WDR25: variants seen among roughly 807,000 people sequenced by gnomAD.
The protein encoded by WDR25 is WD repeat domain 25.
In WDR25, 35 loss-of-function variants were observed where a neutral mutation model predicts 47.7. That is an observed-to-expected ratio of 0.73 (90% CI 0.56 to 0.97). WDR25 has a LOEUF of 0.97. WDR25 is among the 50% of genes least tolerant of loss of function. The probability of loss-of-function intolerance (pLI) is 0.00; values close to 1 mark genes in which losing one functional copy is unlikely to be tolerated. For missense variants in WDR25, 634 were observed against 704.7 expected, an observed-to-expected ratio of 0.90 and a Z score of 1.14; for synonymous variants, 248 against 278.9, an observed-to-expected ratio of 0.89 and a Z score of 1.10.
At chr14:100,412,528 G>C (rs1339065709) in intron 2 of WDR25, among the ~76,000 whole-genome samples, 3 of 152,222 alleles carry the variant, frequency 2.0e-5, no homozygotes, top group Admixed American at 6.5e-5. Context: ...GTGATTGTAA[G>C]TATGCATGTG....
intron 4 of WDR25, among the ~76,000 whole-genome samples, chr14:100,507,928 C>G (rs951247437): frequency 5.9e-5 from 9 of 151,968 alleles, no homozygotes; most frequent in African/African-American, 2.2e-4. Flanking sequence ...TTGCCTGACT[C>G]ATTCTACAAA....
At chr14:100,380,012 A>T (rs1047647532) in intron 1 of WDR25, among the ~76,000 whole-genome samples, 10 of 150,956 alleles carry the variant, frequency 6.6e-5, no homozygotes, top group African/African-American at 9.8e-5. Context: ...AAGTGCTGGG[A>T]TTACAGGCAT....
chr14:100,388,161 A>C (rs987126745), intron 2 of WDR25, among the ~76,000 whole-genome samples: 2 of 152,204 alleles, frequency 1.3e-5, no homozygotes, highest in Admixed American at 1.3e-4. Flanking sequence ...GATGATTGGC[A>C]ATTTATTCTA....
At chr14:100,519,205 G>A (rs1566946280) in intron 4 of WDR25, among the ~76,000 whole-genome samples, 1 of 151,572 alleles carries the variant, frequency 6.6e-6, no homozygotes, top group Non-Finnish European at 1.5e-5. Flanking sequence ...GAGTCTTCAG[G>A]TAGTTGCTTT....
intron 3 of WDR25, among the ~76,000 whole-genome samples, chr14:100,478,403 G>A (rs1487441332): frequency 1.3e-5 from 2 of 152,208 alleles, no homozygotes; most frequent in Admixed American, 1.3e-4. Flanking sequence ...GAACTCCTCA[G>A]CTATACCATC....
In WDR25 at chr14:100,416,352, A is replaced by T. The variant is rs936795791; in HGVS notation, c.822+34606A>T. 3.3e-5 allele frequency among the ~76,000 whole-genome samples: 5 copies of T among 152,230 alleles called. No homozygotes were observed. In the East Asian group the frequency reaches 9.6e-4, roughly 29 times the overall value. ...TTACGTATTCTCAACTCTGATTGTC[A>T]TTCCTTGATGTAAAAACTTTGCTGT... is the stretch of plus-strand genomic sequence containing the variant. On this transcript the variant is annotated intron_variant, in intron 2 of 6. Coordinates refer to ENST00000402312, the MANE Select transcript of WDR25 (RefSeq NM_001161476.3).
At position 100,526,004 on chromosome 14, in the gene WDR25, C is replaced by T; in HGVS notation, c.1236C>T (p.Phe412=). The change falls in exon 5 of 7, where the codon TTC becomes TTT. Residue 412 remains phenylalanine, a synonymous_variant. Coordinates refer to ENST00000402312, the MANE Select transcript of WDR25 (RefSeq NM_001161476.3). ...ACCGCACCATTATTGCCTGGGATTT[C>T]CGGACCTCTGCCAAAATCTCCAACC... The part of the protein sequence containing the change: ...SADRTIIAWD[F]RTSAKISNQI... 1 of 1,614,108 alleles carries T rather than the reference C, an allele frequency of 6.2e-7. No individual in the cohort carries two copies. The highest frequency in any genetic ancestry group is 8.5e-7 in the Non-Finnish European group (1 of 1,179,976).
intron 2 of WDR25, among the ~76,000 whole-genome samples, chr14:100,435,942 G>A (rs1337305141): frequency 6.6e-6 from 1 of 152,116 alleles, no homozygotes; most frequent in African/African-American, 2.4e-5. Context: ...AGAGGAGGGA[G>A]TGTAGCTGCT....
intron 3 of WDR25, among the ~76,000 whole-genome samples, chr14:100,469,925 C>T (rs1174788736): frequency 6.6e-6 from 1 of 152,184 alleles, no homozygotes; most frequent in Non-Finnish European, 1.5e-5. Context: ...ATAAGATATG[C>T]TTGATAGGCG....
intron 4 of WDR25, among the ~76,000 whole-genome samples, chr14:100,521,893 T>C (rs1023110321): frequency 1.3e-5 from 2 of 152,230 alleles, no homozygotes; most frequent in African/African-American, 4.8e-5. Flanking sequence ...GGCAGCCATA[T>C]GTAGATACCT....
At chr14:100,399,305 G>A (rs1029501105) in intron 2 of WDR25, among the ~76,000 whole-genome samples, 2 of 152,136 alleles carry the variant, frequency 1.3e-5, no homozygotes, top group African/African-American at 4.8e-5. Context: ...TTTGCATACC[G>A]ATAGATGCAC....
At chr14:100,487,134 T>G (rs532810475) in intron 4 of WDR25, among the ~76,000 whole-genome samples, 204 of 152,336 alleles carry the variant, frequency 1.3e-3, no homozygotes, top group African/African-American at 4.6e-3. Context: ...TCATATTCCT[T>G]TGACTCAGGG....
At chr14:100,471,247 G>A (rs1209129543) in intron 3 of WDR25, among the ~76,000 whole-genome samples, 1 of 152,176 alleles carries the variant, frequency 6.6e-6, no homozygotes, top group Non-Finnish European at 1.5e-5. Flanking sequence ...CCTCTGGCCA[G>A]GGCTGGCTTG....
At chr14:100,438,533 T>G (rs144889525) in intron 2 of WDR25, among the ~76,000 whole-genome samples, 87 of 152,356 alleles carry the variant, frequency 5.7e-4, no homozygotes, top group African/African-American at 1.9e-3. Context: ...GAACGCCCAC[T>G]CTGTGCCAGA....
At chr14:100,475,167 G>A (rs964364925) in intron 3 of WDR25, among the ~76,000 whole-genome samples, 1 of 152,214 alleles carries the variant, frequency 6.6e-6, no homozygotes, top group East Asian at 1.9e-4. Context: ...GTGGAGAAAA[G>A]GGAATCCTTG....
chr14:100,421,021 T>C (rs1325618704), intron 2 of WDR25, among the ~76,000 whole-genome samples: 1 of 152,246 alleles, frequency 6.6e-6, no homozygotes, highest in African/African-American at 2.4e-5. Context: ...GTGTATCTCC[T>C]GCATTTGGGT....
At chr14:100,473,082 A>G (rs1405313732) in intron 3 of WDR25, among the ~76,000 whole-genome samples, 1 of 152,152 alleles carries the variant, frequency 6.6e-6, no homozygotes, top group African/African-American at 2.4e-5. Flanking sequence ...CTTGTTTTCA[A>G]TCTATGACTG....
intron 4 of WDR25, among the ~76,000 whole-genome samples, chr14:100,510,622 G>T (rs1901277065): frequency 6.6e-6 from 1 of 151,514 alleles, no homozygotes; most frequent in Non-Finnish European, 1.5e-5. Context: ...TGTAATCCCA[G>T]CTACTCGGGA....
At chr14:100,519,225 G>A (rs921917351) in intron 4 of WDR25, among the ~76,000 whole-genome samples, 9 of 151,364 alleles carry the variant, frequency 5.9e-5, no homozygotes, top group Non-Finnish European at 1.5e-5. Flanking sequence ...TTAAAATTTT[G>A]TCCAGAGTTT....
Sources: allele counts gnomAD v4.1 joint callset (sites outside exome capture counted in the v4.1 genomes callset), GRCh38; gene constraint gnomAD v4.1.1; transcripts MANE v1.5; gene names NCBI Gene and HGNC (gene_info 2026-07-23, HGNC 2026-07-21).